The following ADAMTS17 variants were observed in gnomAD, a reference collection of about 807,000 sequenced individuals.
The protein encoded by ADAMTS17 is A disintegrin and metalloproteinase with thrombospondin motifs 17.
In ADAMTS17, 113 loss-of-function variants were observed where a neutral mutation model predicts 141.5. That is an observed-to-expected ratio of 0.80 (90% CI 0.69 to 0.93). The LOEUF is 0.93. Ranked by LOEUF, ADAMTS17 falls within the 40% of genes least tolerant of loss-of-function variation. The pLI is 0.00. For missense variants in ADAMTS17, 1,659 were observed against 1,517.9 expected (o/e 1.09, Z -1.54); for synonymous variants, 768 against 630.6 (o/e 1.22, Z -3.27).
intron 20 of ADAMTS17, chr15:99,979,886 T>G (rs902282617): frequency 6.6e-6 from 1 of 152,262 alleles, no homozygotes; most frequent in Non-Finnish European, 1.5e-5. Flanking sequence ...GGCAGGCATT[T>G]GATGAGTCCA....
intron 12 of ADAMTS17, chr15:100,128,128 G>C (rs1258724160): frequency 6.6e-6 from 1 of 152,230 alleles, no homozygotes; most frequent in Admixed American, 6.5e-5. Flanking sequence ...TTTACTGAGA[G>C]GGGAGATGTG....
chr15:100,294,610 A>G (rs1406242058), intron 3 of ADAMTS17, among the ~76,000 whole-genome samples: 1 of 151,480 alleles, frequency 6.6e-6, no homozygotes, highest in African/African-American at 2.4e-5. Flanking sequence ...CAGGAGGCTG[A>G]GGTCGGAGGA....
chr15:100,326,180 T>TATTTTAAC (rs2045895734), intron 3 of ADAMTS17, among the ~76,000 whole-genome samples: 1 of 152,196 alleles, frequency 6.6e-6, no homozygotes, highest in Non-Finnish European at 1.5e-5. Context: ...TGATGTCTAC[T>TATTTTAAC]TATAGAGTTA....
intron 4 of ADAMTS17, among the ~76,000 whole-genome samples, chr15:100,266,370 C>T (rs990045510): frequency 1.3e-5 from 2 of 152,254 alleles, no homozygotes; most frequent in African/African-American, 2.4e-5. Context: ...GCGCCTGGCC[C>T]GATGGAGCCT....
In ADAMTS17 at chr15:100,159,409, G is replaced by A. The variant is rs532033347; in HGVS notation, c.1182-4089C>T. On this transcript the variant is annotated intron_variant, in intron 8 of 21. Coordinates refer to ENST00000268070, the MANE Select transcript of ADAMTS17 (RefSeq NM_139057.4). ...TTTCTTTCTCTATTTCATGTTAACTGTTAAAGGAACTGACTGGTTTTTCAA... is the reference window on the plus strand; with the variant it reads ...TTTCTTTCTCTATTTCATGTTAACTATTAAAGGAACTGACTGGTTTTTCAA... Among the ~76,000 whole-genome samples, 10 of 152,274 alleles carry A rather than the reference G, an allele frequency of 6.6e-5. No homozygotes were observed. The South Asian group carries it at 1.7e-3, about 25-fold the overall frequency.
At chr15:100,083,903 CT>C (rs879698297) in intron 15 of ADAMTS17, among the ~76,000 whole-genome samples, 1 of 151,900 alleles carries the variant, frequency 6.6e-6, no homozygotes, top group African/African-American at 2.4e-5. Flanking sequence ...CAGTCTACAG[CT>C]CCCAGTGTGA....
chr15:100,117,841 C>T (rs2037236067), intron 12 of ADAMTS17, among the ~76,000 whole-genome samples: 1 of 152,178 alleles, frequency 6.6e-6, no homozygotes, highest in Admixed American at 6.5e-5. Flanking sequence ...ACCCCTCGCA[C>T]TTTTTATTGA....
At chr15:100,144,439 T>G in intron 10 of ADAMTS17, among the ~76,000 whole-genome samples, 1 of 152,052 alleles carries the variant, frequency 6.6e-6, no homozygotes, top group Non-Finnish European at 1.5e-5. Flanking sequence ...AATCCCAGCT[T>G]CTTGTGAGGC....
At chr15:100,159,332 G>C (rs1041666228) in intron 8 of ADAMTS17, among the ~76,000 whole-genome samples, 1 of 152,178 alleles carries the variant, frequency 6.6e-6, no homozygotes, top group Non-Finnish European at 1.5e-5. Context: ...TGAACCTTAA[G>C]GACTTTATGT....
At chr15:100,179,204 A>G (rs10162775) in intron 8 of ADAMTS17, among the ~76,000 whole-genome samples, 5,813 of 152,208 alleles carry the variant, frequency 0.038, 375 homozygotes, top group African/African-American at 0.13. Context: ...CCCATTAACT[A>G]TCTTCACTTC....
At chr15:100,064,781 T>C (rs771545077) in intron 15 of ADAMTS17, among the ~76,000 whole-genome samples, 2 of 152,208 alleles carry the variant, frequency 1.3e-5, no homozygotes, top group Non-Finnish European at 2.9e-5. Context: ...GCCTGGTTAA[T>C]AGGGTGATTG....
At chr15:100,307,346 A>AAGCTGC (rs1407280223) in intron 3 of ADAMTS17, among the ~76,000 whole-genome samples, 2 of 152,144 alleles carry the variant, frequency 1.3e-5, no homozygotes, top group East Asian at 3.9e-4. Flanking sequence ...AGGACCACAA[A>AAGCTGC]AGCTGCAGCT....
At chr15:100,082,855 C>T (rs995502035) in intron 15 of ADAMTS17, among the ~76,000 whole-genome samples, 3 of 147,376 alleles carry the variant, frequency 2.0e-5, no homozygotes, top group East Asian at 2.1e-4. Flanking sequence ...GCTGGGTGGT[C>T]TCCCGTGGGG....
intron 14 of ADAMTS17, among the ~76,000 whole-genome samples, chr15:100,105,659 A>G (rs2036372126): frequency 6.6e-6 from 1 of 152,108 alleles, no homozygotes; most frequent in African/African-American, 2.4e-5. Flanking sequence ...GTGCCTTTGT[A>G]AGAAGAGGCT....
Position 99,971,539 on chromosome 15 carries a change from T to TC in ADAMTS17, c.*2862dup, listed in dbSNP as rs1465347006. On this transcript the variant is annotated 3_prime_UTR_variant, in exon 22 of 22. Transcript: ENST00000268070. ...GTATAATGGCGTCCAATGTTTGTCT[T>TC]CCGTTTTTTTTCCTTTCAAAACCAG... The TC allele has an allele frequency of 7.9e-5, 12 of 152,280 alleles. No homozygotes were observed. Among genetic ancestry groups the TC allele is most frequent in the African/African-American group, 2.9e-4 (12 of 41,474 alleles). The allele number at this position is 152,280 out of a possible 1,614,324, so 9.4% of individuals were successfully genotyped here.
At chr15:100,089,721 C>G (rs951436167) in intron 15 of ADAMTS17, among the ~76,000 whole-genome samples, 1 of 151,450 alleles carries the variant, frequency 6.6e-6, no homozygotes, top group African/African-American at 2.4e-5. Context: ...TCTCAACAAA[C>G]TATCACAAGG....
intron 20 of ADAMTS17, among the ~76,000 whole-genome samples, chr15:99,984,198 G>A (rs2060536973): frequency 6.6e-6 from 1 of 152,194 alleles, no homozygotes; most frequent in East Asian, 1.9e-4. Flanking sequence ...GGAGGCTGAG[G>A]TGACCCCCGA....
At chr15:100,339,021 C>T in intron 2 of ADAMTS17, 1 of 985,502 alleles carries the variant, frequency 1.0e-6, no homozygotes, top group Non-Finnish European at 1.2e-6. Flanking sequence ...GTCCAATGTC[C>T]AGCTCACACG....
At chr15:100,319,982 T>A (rs1208634238) in intron 3 of ADAMTS17, among the ~76,000 whole-genome samples, 1 of 151,904 alleles carries the variant, frequency 6.6e-6, no homozygotes, top group Admixed American at 6.6e-5. Context: ...GGTAACAGCA[T>A]CATGAAAGAA....
Sources: gnomAD v4.1 joint callset for allele counts (sites outside exome capture counted in the v4.1 genomes callset) on GRCh38, gnomAD v4.1.1 for gene constraint, MANE v1.5 for transcripts, NCBI Gene and HGNC (gene_info 2026-07-23, HGNC 2026-07-21) for gene names.